The following ZC3H12B variants were observed in gnomAD, a reference collection of about 807,000 sequenced individuals.
The protein encoded by ZC3H12B is zinc finger CCCH-type containing 12B.
In ZC3H12B, 7 loss-of-function variants were observed where a neutral mutation model predicts 43.9. The observed-to-expected ratio is 0.16, with a 90% CI of 0.09 to 0.30. ZC3H12B has a LOEUF of 0.30. ZC3H12B is among the 10% of genes least tolerant of loss of function. The pLI is 1.00. For synonymous variants in ZC3H12B, 222 were observed against 241.7 expected (o/e 0.92, Z 0.76); for missense variants, 475 against 670.2 (o/e 0.71, Z 3.22).
chrX:65,288,727 A>G, the ZC3H12B span, among the ~76,000 whole-genome samples: 3 of 111,835 alleles, frequency 2.7e-5, no homozygotes, highest in Non-Finnish European at 5.7e-5. Context: ...TCAGCACAGT[A>G]CTAGAAGTCC....
chrX:65,284,625 G>A, the ZC3H12B span, among the ~76,000 whole-genome samples: 1 of 110,916 alleles, frequency 9.0e-6, no homozygotes. Context: ...TCTGGGCGTG[G>A]TTGTATGTGC....
the ZC3H12B span, among the ~76,000 whole-genome samples, chrX:65,107,460 G>T: frequency 5.4e-5 from 6 of 111,227 alleles, no homozygotes; most frequent in Non-Finnish European, 1.1e-4. Context: ...TTCTTTCTGA[G>T]AAATGGATTG....
At chrX:65,134,703 C>T in the ZC3H12B span, among the ~76,000 whole-genome samples, 15 of 111,357 alleles carry the variant, frequency 1.3e-4, no homozygotes, top group Non-Finnish European at 2.3e-4. Context: ...CCCGAGTCTT[C>T]GGCACCAAAT....
chrX:65,283,736 C>G, the ZC3H12B span, among the ~76,000 whole-genome samples: 2 of 111,197 alleles, frequency 1.8e-5, no homozygotes, highest in Non-Finnish European at 3.8e-5. Context: ...GTGTCATTTT[C>G]AAAAGTAGCC....
chrX:65,378,530 G>A (rs2066382238), intron 2 of ZC3H12B, among the ~76,000 whole-genome samples: 1 of 111,890 alleles, frequency 8.9e-6, no homozygotes, highest in Admixed American at 9.4e-5. Flanking sequence ...CTAAAAGGAA[G>A]ACGAGAAGGA....
the ZC3H12B span, among the ~76,000 whole-genome samples, chrX:65,142,196 C>T: frequency 8.9e-6 from 1 of 112,206 alleles, no homozygotes; most frequent in East Asian, 2.8e-4. Flanking sequence ...TATAGCCATT[C>T]TTGCAGGAGT....
chrX:65,292,836 T>C, the ZC3H12B span, among the ~76,000 whole-genome samples: 26 of 110,036 alleles, frequency 2.4e-4, no homozygotes, highest in East Asian at 6.1e-3. Flanking sequence ...AATAAAAAAT[T>C]AGCTGGGCAT....
chrX:65,421,231 A>G (rs999190559), intron 3 of ZC3H12B, among the ~76,000 whole-genome samples: 6 of 112,369 alleles, frequency 5.3e-5, no homozygotes. Context: ...TATCTGTTCT[A>G]TGGATACCAG....
At chrX:65,373,289 G>A (rs1376350733) in intron 2 of ZC3H12B, among the ~76,000 whole-genome samples, 1 of 112,005 alleles carries the variant, frequency 8.9e-6, no homozygotes, top group African/African-American at 3.2e-5. Flanking sequence ...TTATACTGTT[G>A]GTGGGACTGT....
chrX:65,361,496 A>T, the ZC3H12B span, among the ~76,000 whole-genome samples: 15 of 112,437 alleles, frequency 1.3e-4, no homozygotes, highest in Non-Finnish European at 2.2e-4. Flanking sequence ...ATTACAAATA[A>T]CACATGTAAG....
At chrX:65,412,286 A>T (rs999566888) in intron 3 of ZC3H12B, among the ~76,000 whole-genome samples, 1 of 111,739 alleles carries the variant, frequency 8.9e-6, no homozygotes, top group African/African-American at 3.3e-5. Context: ...CATTATTTCA[A>T]GATTCTTTTG....
At chrX:65,306,473 A>G in the ZC3H12B span, among the ~76,000 whole-genome samples, 1 of 110,971 alleles carries the variant, frequency 9.0e-6, no homozygotes, top group African/African-American at 3.3e-5. Flanking sequence ...CCTGGGTTCT[A>G]GCAATTCTCC....
the ZC3H12B span, among the ~76,000 whole-genome samples, chrX:65,124,461 TA>T: frequency 2.7e-5 from 3 of 110,712 alleles, no homozygotes; most frequent in East Asian, 2.9e-4. Flanking sequence ...TTTTTTATGT[TA>T]TTTCCTGATT....
the ZC3H12B span, among the ~76,000 whole-genome samples, chrX:65,046,936 A>C: frequency 1.8e-5 from 2 of 111,145 alleles, no homozygotes; most frequent in Admixed American, 1.9e-4. Context: ...CCAGTTTAGC[A>C]ATCAGAACAT....
At chrX:65,063,234 G>A in the ZC3H12B span, among the ~76,000 whole-genome samples, 2 of 111,740 alleles carry the variant, frequency 1.8e-5, no homozygotes, top group Non-Finnish European at 3.8e-5. Flanking sequence ...TCCTTGTCTT[G>A]TGCCAGTTTT....
chrX:65,398,098 A>G (rs946889547), intron 2 of ZC3H12B, among the ~76,000 whole-genome samples: 10 of 111,867 alleles, frequency 8.9e-5, no homozygotes, highest in Non-Finnish European at 1.9e-4. Flanking sequence ...TTTAAATTAA[A>G]CATGGATGCA....
At chrX:65,364,177 A>G (rs2066141964), upstream of ZC3H12B, among the ~76,000 whole-genome samples, 2 of 110,809 alleles carry the variant, frequency 1.8e-5, no homozygotes, top group Non-Finnish European at 3.8e-5. Flanking sequence ...CATTGAGGCT[A>G]CCGCTCTGCC....
the ZC3H12B span, among the ~76,000 whole-genome samples, chrX:65,131,130 C>A: frequency 9.0e-6 from 1 of 111,347 alleles, no homozygotes; most frequent in Non-Finnish European, 1.9e-5. Flanking sequence ...AGAGTGTGGA[C>A]TCGAGTTAAG....
At chrX:65,198,354 T>A in the ZC3H12B span, among the ~76,000 whole-genome samples, 3 of 112,143 alleles carry the variant, frequency 2.7e-5, no homozygotes, top group Non-Finnish European at 5.6e-5. Flanking sequence ...TCAGATGATA[T>A]CTTTATTGCT....
Sources: gnomAD v4.1 joint callset for allele counts (sites outside exome capture counted in the v4.1 genomes callset) on GRCh38, gnomAD v4.1.1 for gene constraint, MANE v1.5 for transcripts, NCBI Gene and HGNC (gene_info 2026-07-23, HGNC 2026-07-21) for gene names.